BBS1: variants seen among roughly 807,000 people sequenced by gnomAD.
BBS1 encodes Bardet-Biedl syndrome 1.
BBS1 carries 60 observed loss-of-function variants against 73.9 expected under a neutral mutation model. The observed-to-expected ratio is 0.81, with a 90% CI of 0.66 to 1.01. The LOEUF is 1.01. Among genes scored for constraint, BBS1 ranks in the 50% least tolerant of loss-of-function variants. The pLI, the probability that BBS1 is intolerant of heterozygous loss-of-function variation, is 0.00. For synonymous variants in BBS1, 283 were observed against 317.4 expected (o/e 0.89, Z 1.15); for missense variants, 718 against 770.3 (o/e 0.93, Z 0.80).
intron 3 of BBS1, among the ~76,000 whole-genome samples, chr11:66,514,198 C>T (rs545096953): frequency 2.0e-4 from 30 of 152,326 alleles, no homozygotes; most frequent in Non-Finnish European, 3.4e-4. Context: ...TCACCACATA[C>T]CATGAAAGTA....
intron 11 of BBS1, among the ~76,000 whole-genome samples, chr11:66,525,684 C>T (rs1451913316): frequency 6.6e-6 from 1 of 152,106 alleles, no homozygotes; most frequent in African/African-American, 2.4e-5. Context: ...GTGGTATGCT[C>T]GTTGAAAGAA....
At chr11:66,512,331 C>T (rs1173547236) in intron 3 of BBS1, among the ~76,000 whole-genome samples, 1 of 151,982 alleles carries the variant, frequency 6.6e-6, no homozygotes, top group East Asian at 1.9e-4. Context: ...GCTTTTTCTA[C>T]CAAAGCTCAG....
intron 9 of BBS1, 106 bp from the exon 10 acceptor site, chr11:66,523,350 C>A: frequency 6.7e-7 from 1 of 1,497,874 alleles, no homozygotes; most frequent in Non-Finnish European, 9.3e-7. Flanking sequence ...TGCTTTGGGG[C>A]CAGTGTTCCT....
At chr11:66,530,611 G>T (rs571242330) in intron 14 of BBS1, among the ~76,000 whole-genome samples, 1 of 152,154 alleles carries the variant, frequency 6.6e-6, no homozygotes, top group African/African-American at 2.4e-5. Context: ...AGAGTGGGAG[G>T]TGGAACAGGC....
rs1417658996 is a variant in BBS1 at position 66,533,393 on chromosome 11, A to T, written c.*1356A>T. On this transcript the variant is annotated 3_prime_UTR_variant, in exon 17 of 17. Coordinates refer to ENST00000318312, the MANE Select transcript of BBS1 (RefSeq NM_024649.5). ...ATTCAGCTATTTTTAAAATGTGCTTATATGACTCTTGCTTGATATATCAAT... is the reference window on the plus strand; with the variant it reads ...ATTCAGCTATTTTTAAAATGTGCTTTTATGACTCTTGCTTGATATATCAAT... 6.6e-6 allele frequency: 1 copy of T among 152,240 alleles called. No homozygotes were observed. Among genetic ancestry groups the T allele is most frequent in the Non-Finnish European group, 1.5e-5 (1 of 68,046 alleles). 9.4% of individuals were successfully genotyped at this position (152,240 alleles called of 1,614,324 possible).
At chr11:66,517,484 T>C (rs1251381582) in intron 7 of BBS1, among the ~76,000 whole-genome samples, 1 of 150,970 alleles carries the variant, frequency 6.6e-6, no homozygotes, top group African/African-American at 2.4e-5. Flanking sequence ...TTTTTTTTTT[T>C]TGGAGACAGA....
chr11:66,515,616 C>G (rs374363807), intron 5 of BBS1, 30 bp downstream of exon 5: 188 of 1,614,058 alleles, frequency 1.2e-4, no homozygotes, highest in Middle Eastern at 4.9e-4. Context: ...TTCATACCCC[C>G]CTCACTCCTT....
intron 15 of BBS1, 65 bp from the exon 16 acceptor site, chr11:66,531,591 G>A: frequency 6.2e-7 from 1 of 1,605,722 alleles, no homozygotes; most frequent in East Asian, 2.2e-5. Flanking sequence ...GGGCCTGAAT[G>A]CACTGGAATA....
In BBS1 at chr11:66,531,105, G is replaced by A. The variant is rs1483152491; in HGVS notation, c.1608+77G>A. The A allele has an allele frequency of 3.2e-5, 50 of 1,581,280 alleles. No homozygotes were observed. The Middle Eastern group carries it at 5.0e-4, about 16-fold the overall frequency. ...CCTGATGAGATGCCCACAGAGCCCC[G>A]CCAGGTCAGGGTCAGAGCGTGCGGG... On this transcript the variant is annotated intron_variant, in intron 15 of 16. Transcript: ENST00000318312.
In BBS1 at chr11:66,526,789, G is replaced by A; in HGVS notation, c.1321G>A (p.Glu441Lys). 3 of 1,614,250 alleles carry A rather than the reference G, an allele frequency of 1.9e-6. No homozygotes were observed. Among genetic ancestry groups the A allele is most frequent in the Non-Finnish European group, 2.5e-6 (3 of 1,180,050 alleles). Residue 441 changes from glutamate (E) to lysine (K), a missense_variant, in exon 13 of 17, where the codon GAG (glutamate) becomes AAG (lysine). Physicochemically the swap from Glu to Lys is moderately conservative, Grantham distance 56. Transcript: ENST00000318312. ...TRLYVDQTLR[E>K]REAGTAMHRA... ...GCTTTACGTGGATCAGACACTGCGA[G>A]AGCGGGAGGCTGGCACCGGTGAGCC... is the stretch of plus-strand genomic sequence containing the variant.
chr11:66,517,731 GC>G (rs1372258401), intron 7 of BBS1, among the ~76,000 whole-genome samples: 1 of 151,920 alleles, frequency 6.6e-6, no homozygotes, highest in African/African-American at 2.4e-5. Context: ...CTCCCAAAAT[GC>G]TGGGATTACA....
chr11:66,516,423 GC>G (rs904041464), intron 7 of BBS1, among the ~76,000 whole-genome samples: 1 of 152,120 alleles, frequency 6.6e-6, no homozygotes, highest in African/African-American at 2.4e-5. Context: ...ATCGTGCCAT[GC>G]CAACCACTCA....
intron 7 of BBS1, among the ~76,000 whole-genome samples, chr11:66,517,812 C>T (rs1466374146): frequency 6.6e-6 from 1 of 151,760 alleles, no homozygotes; most frequent in Non-Finnish European, 1.5e-5. Flanking sequence ...ACCATGTTGC[C>T]CAGACTGGTC....
rs1856750028 is a variant in BBS1, at chr11:66,530,883, C to A, written c.1474-11C>A. 2 of 1,614,208 alleles carry A rather than the reference C, an allele frequency of 1.2e-6. No individual in the cohort carries two copies. The highest frequency in any genetic ancestry group is 1.3e-5 in the African/African-American group (1 of 75,044). On this transcript the variant is annotated splice_polypyrimidine_tract_variant and intron_variant, in intron 14 of 16. Transcript: ENST00000318312. ...GGTCCTAAGGGCTTTCTCCACCCAC[C>A]CTCTCCATAGGTTCAGGGCCTTGGC...
intron 3 of BBS1, among the ~76,000 whole-genome samples, chr11:66,511,871 C>T (rs1196628760): frequency 2.0e-5 from 3 of 151,350 alleles, no homozygotes; most frequent in African/African-American, 7.3e-5. Flanking sequence ...TGGTGATGGG[C>T]ACCTGTAATC....
chr11:66,521,394 C>A lies in BBS1; in HGVS notation c.830+18C>A. 2 of 1,601,932 alleles carry A rather than the reference C, an allele frequency of 1.2e-6. No individual in the cohort carries two copies. The highest frequency in any genetic ancestry group is 2.2e-5 in the South Asian group (2 of 90,830). ...CTGAGAAGGTAGCCACATCCGTGGTCTCCGGGGCCGGGAGGAACATCTCAG... is the reference window on the plus strand; with the variant it reads ...CTGAGAAGGTAGCCACATCCGTGGTATCCGGGGCCGGGAGGAACATCTCAG... On this transcript the variant is annotated intron_variant, in intron 9 of 16. Transcript: ENST00000318312.
At chr11:66,519,342 GC>G (rs1364433967) in intron 7 of BBS1, among the ~76,000 whole-genome samples, 1 of 152,150 alleles carries the variant, frequency 6.6e-6, no homozygotes, top group Admixed American at 6.5e-5. Context: ...CTGCACTCCT[GC>G]CTGGGCGACA....
At chr11:66,527,296 A>G (rs1565288295) in intron 13 of BBS1, among the ~76,000 whole-genome samples, 1 of 151,958 alleles carries the variant, frequency 6.6e-6, no homozygotes, top group Admixed American at 6.6e-5. Flanking sequence ...TTATTTGTTC[A>G]TTCATTCATC....
chr11:66,528,650 G>A lies in BBS1; in HGVS notation c.1340-1169G>A, dbSNP rs541890901. ...AGACTGTCCAAAAACACACAATCAG[G>A]ACAACTTGCTTCTAGAAAAGAAAAT... On this transcript the variant is annotated intron_variant, in intron 13 of 16. Transcript: ENST00000318312. 6.6e-5 allele frequency among the ~76,000 whole-genome samples: 10 copies of A among 152,190 alleles called. No homozygotes were observed. The East Asian group carries it at 1.9e-3, about 29-fold the overall frequency.
Sources: gnomAD v4.1 joint callset for allele counts (sites outside exome capture counted in the v4.1 genomes callset) on GRCh38, gnomAD v4.1.1 for gene constraint, MANE v1.5 for transcripts, NCBI Gene and HGNC (gene_info 2026-07-23, HGNC 2026-07-21) for gene names.